The following PPP3CA variants were observed in gnomAD, a reference collection of about 807,000 sequenced individuals.
PPP3CA encodes the protein CAM-PRP catalytic subunit.
In PPP3CA, 14 loss-of-function variants were observed where a neutral mutation model predicts 66.5. The observed-to-expected ratio is 0.21, with a 90% CI of 0.14 to 0.33. PPP3CA has a LOEUF of 0.33. Ranked by LOEUF, PPP3CA falls within the 10% of genes least tolerant of loss-of-function variation. The pLI is 1.00. For missense variants in PPP3CA, 317 were observed against 639.5 expected (o/e 0.50, Z 5.44); for synonymous variants, 232 against 226.2 (o/e 1.03, Z -0.23).
intron 6 of PPP3CA, among the ~76,000 whole-genome samples, chr4:101,086,217 ATATC>A (rs2110243317): frequency 6.6e-6 from 1 of 152,310 alleles, no homozygotes; most frequent in East Asian, 1.9e-4. Context: ...TTTTTGAAAA[ATATC>A]TATCTTTTGT....
Position 101,124,729 on chromosome 4 carries a change from A to G in PPP3CA, c.260-15651T>C, listed in dbSNP as rs12502399. ...AGAAAGAAAGAAAGAAAGAAAGAGA[A>G]AGAAAGAAAGAAAGAAAGAAAGAAA... On this transcript the variant is annotated intron_variant, in intron 2 of 13. Transcript: ENST00000394854. 3.7e-3 allele frequency among the ~76,000 whole-genome samples: 199 copies of G among 54,042 alleles called. 2 individuals are homozygous for G. The highest frequency in any genetic ancestry group is 0.011 in the Middle Eastern group (1 of 88). 35.5% of individuals were successfully genotyped at this position (54,042 alleles called of 152,430 possible).
chr4:101,287,521 G>C (rs1017513655), intron 1 of PPP3CA, among the ~76,000 whole-genome samples: 2 of 152,106 alleles, frequency 1.3e-5, no homozygotes, highest in Non-Finnish European at 2.9e-5. Flanking sequence ...AATTTCCTTA[G>C]ATATGCAGCC....
chr4:101,090,511 G>A (rs895616036), intron 6 of PPP3CA, among the ~76,000 whole-genome samples: 2 of 151,348 alleles, frequency 1.3e-5, no homozygotes, highest in Admixed American at 6.6e-5. Context: ...GCATGGTGGC[G>A]CATGCCTGTA....
chr4:101,325,863 G>A (rs1729190172), intron 1 of PPP3CA, among the ~76,000 whole-genome samples: 1 of 152,022 alleles, frequency 6.6e-6, no homozygotes, highest in Non-Finnish European at 1.5e-5. Context: ...AAATACTTTG[G>A]CAAAGAAAAA....
intron 10 of PPP3CA, among the ~76,000 whole-genome samples, chr4:101,058,313 T>G (rs1240659477): frequency 6.6e-6 from 1 of 152,150 alleles, no homozygotes; most frequent in East Asian, 1.9e-4. Context: ...AGAAATAAAT[T>G]AAAGCAGAAG....
At chr4:101,187,651 A>C (rs1317548690) in intron 2 of PPP3CA, among the ~76,000 whole-genome samples, 1 of 152,178 alleles carries the variant, frequency 6.6e-6, no homozygotes, top group Non-Finnish European at 1.5e-5. Context: ...TCAAATGAAT[A>C]ATGTGTTTCA....
Position 101,025,806 on chromosome 4 carries a change from C to A in PPP3CA, c.*59G>T. Reference sequence around the variant, plus strand: ...ACTGCTGATATGCAGCAATCCCCATCATGCCCCGCAGCTCAAAAAAAAAAA... The same window carrying A: ...ACTGCTGATATGCAGCAATCCCCATAATGCCCCGCAGCTCAAAAAAAAAAA... On this transcript the variant is annotated 3_prime_UTR_variant, in exon 14 of 14. Coordinates refer to ENST00000394854, the MANE Select transcript of PPP3CA (RefSeq NM_000944.5). 1 of 1,311,490 alleles carries A rather than the reference C, an allele frequency of 7.6e-7. No individual in the cohort carries two copies. Among genetic ancestry groups the A allele is most frequent in the Non-Finnish European group, 1.0e-6 (1 of 992,814 alleles). The allele number at this position is 1,311,490 out of a possible 1,614,324, so 81.2% of individuals were successfully genotyped here.
Position 101,203,861 on chromosome 4 carries a change from A to T in PPP3CA, c.59-7745T>A, listed in dbSNP as rs191527997. ...ACAATTGCAAATGGCTTATATAATG[A>T]ATTATGTAATAATGATTCAACACTG... On this transcript the variant is annotated intron_variant, in intron 1 of 13. Coordinates refer to ENST00000394854, the MANE Select transcript of PPP3CA (RefSeq NM_000944.5). 2.7e-4 allele frequency among the ~76,000 whole-genome samples: 41 copies of T among 152,366 alleles called. No homozygotes were observed. In the Middle Eastern group the frequency reaches 0.014, roughly 51 times the overall value.
At chr4:101,030,533 T>C (rs1419346130) in intron 12 of PPP3CA, among the ~76,000 whole-genome samples, 1 of 152,168 alleles carries the variant, frequency 6.6e-6, no homozygotes, top group Non-Finnish European at 1.5e-5. Context: ...ATGTCTTTTA[T>C]GTGTATGTGT....
chr4:101,320,136 T>A (rs1728994816), intron 1 of PPP3CA, among the ~76,000 whole-genome samples: 1 of 151,854 alleles, frequency 6.6e-6, no homozygotes, highest in South Asian at 2.1e-4. Flanking sequence ...CAACTAAGAA[T>A]TCACACATGC....
At chr4:101,204,122 C>G (rs1699960687) in intron 1 of PPP3CA, among the ~76,000 whole-genome samples, 1 of 152,096 alleles carries the variant, frequency 6.6e-6, no homozygotes, top group African/African-American at 2.4e-5. Context: ...CCTCCCACCT[C>G]AGTCTCCTGA....
chr4:101,133,326 A>C (rs1467885857), intron 2 of PPP3CA, among the ~76,000 whole-genome samples: 1 of 152,248 alleles, frequency 6.6e-6, no homozygotes, highest in Non-Finnish European at 1.5e-5. Context: ...TTGGCTGACG[A>C]CAAGATTGTA....
chr4:101,188,321 AG>A (rs1251632283), intron 2 of PPP3CA, among the ~76,000 whole-genome samples: 1 of 152,130 alleles, frequency 6.6e-6, no homozygotes, highest in Non-Finnish European at 1.5e-5. Flanking sequence ...ACAAGGCAAA[AG>A]AAAACTTGGT....
At chr4:101,276,881 T>C (rs966025981) in intron 1 of PPP3CA, among the ~76,000 whole-genome samples, 2 of 152,242 alleles carry the variant, frequency 1.3e-5, no homozygotes, top group African/African-American at 4.8e-5. Context: ...TACGTTATTA[T>C]TAACTAAAGC....
At chr4:101,274,122 T>C (rs1302703081) in intron 1 of PPP3CA, among the ~76,000 whole-genome samples, 1 of 152,132 alleles carries the variant, frequency 6.6e-6, no homozygotes. Context: ...CTGGCCAACA[T>C]GGTAAAACCC....
At chr4:101,341,152 A>C (rs145604467) in intron 1 of PPP3CA, among the ~76,000 whole-genome samples, 14 of 151,924 alleles carry the variant, frequency 9.2e-5, no homozygotes, top group Non-Finnish European at 1.5e-5. Flanking sequence ...GCGAAATGAA[A>C]TGTGAAGATA....
intron 1 of PPP3CA, among the ~76,000 whole-genome samples, chr4:101,216,839 C>T (rs1725473074): frequency 6.6e-6 from 1 of 152,148 alleles, no homozygotes; most frequent in South Asian, 2.1e-4. Flanking sequence ...GCGTGAGCCA[C>T]CATACCTGGC....
chr4:101,234,838 G>T (rs1167543571), intron 1 of PPP3CA, among the ~76,000 whole-genome samples: 1 of 151,378 alleles, frequency 6.6e-6, no homozygotes, highest in East Asian at 2.0e-4. Flanking sequence ...CAGCTTTTTT[G>T]CCCAAAAAAC....
At chr4:101,054,394 C>T (rs943831812) in intron 10 of PPP3CA, among the ~76,000 whole-genome samples, 1 of 152,012 alleles carries the variant, frequency 6.6e-6, no homozygotes, top group African/African-American at 2.4e-5. Context: ...CATTTAGATT[C>T]TGTGACTATT....
Sources: allele counts gnomAD v4.1 joint callset (sites outside exome capture counted in the v4.1 genomes callset), GRCh38; gene constraint gnomAD v4.1.1; transcripts MANE v1.5; gene names NCBI Gene and HGNC (gene_info 2026-07-23, HGNC 2026-07-21).